SEMA4B: variants seen among roughly 807,000 people sequenced by gnomAD.
SEMA4B encodes the protein semaphorin-4B.
Under a neutral mutation model 88.1 loss-of-function variants are expected in SEMA4B, and 55 were observed. The ratio of observed to expected loss-of-function variants is 0.62; its 90% CI spans 0.50 to 0.78. SEMA4B has a LOEUF of 0.78. Ranked by LOEUF, SEMA4B falls within the 30% of genes least tolerant of loss-of-function variation. The pLI is 0.00. For synonymous variants in SEMA4B, 525 were observed against 473.6 expected (o/e 1.11, Z -1.41); for missense variants, 1,062 against 1,111.9 (o/e 0.96, Z 0.64).
intron 1 of SEMA4B, among the ~76,000 whole-genome samples, chr15:90,187,363 G>C (rs764416114): frequency 7.9e-5 from 12 of 152,230 alleles, no homozygotes; most frequent in Admixed American, 1.3e-4. Context: ...CTTTGGAAAT[G>C]ATTTGAGACA....
At chr15:90,188,814 C>T (rs1156299385) in intron 1 of SEMA4B, among the ~76,000 whole-genome samples, 1 of 151,786 alleles carries the variant, frequency 6.6e-6, no homozygotes, top group Non-Finnish European at 1.5e-5. Flanking sequence ...ACTACAGGCA[C>T]CCACCACCAC....
At position 90,217,423 on chromosome 15, in the gene SEMA4B, A is replaced by G. The variant is rs777315198; in HGVS notation, c.158-16A>G. The G allele has an allele frequency of 6.2e-7, 1 of 1,609,110 alleles. No homozygotes were observed. The highest frequency in any genetic ancestry group is 1.7e-5 in the Admixed American group (1 of 59,400). On this transcript the variant is annotated splice_polypyrimidine_tract_variant and intron_variant, in intron 1 of 13. Transcript: ENST00000411539. ...GGAGGGGTGGCCCCAGGTAATACCC[A>G]TCTTCCTCTCCCCAGGCTCTGAAGA... is the stretch of plus-strand genomic sequence containing the variant.
chr15:90,210,481 G>C (rs1302727283), intron 1 of SEMA4B, among the ~76,000 whole-genome samples: 2 of 152,178 alleles, frequency 1.3e-5, no homozygotes, highest in Non-Finnish European at 2.9e-5. Context: ...AGGCAGGAGG[G>C]TGGTCATCAA....
chr15:90,225,477 C>T, intron 11 of SEMA4B, 80 bp downstream of exon 11: 1 of 1,377,544 alleles, frequency 7.3e-7, no homozygotes. Context: ...CACCCAGCTT[C>T]TCCTCCCTTG....
intron 4 of SEMA4B, 30 bp from the exon 5 acceptor site, chr15:90,220,952 C>G: frequency 6.9e-7 from 1 of 1,448,340 alleles, no homozygotes. Context: ...CCTGGAGTGC[C>G]CCTGAGCCCA....
intron 7 of SEMA4B, among the ~76,000 whole-genome samples, chr15:90,222,480 G>A (rs112407097): frequency 0.026 from 3,961 of 151,726 alleles, 166 homozygotes; most frequent in African/African-American, 0.09. Context: ...TGTGGCAAGA[G>A]AATCGCTTGA....
Position 90,221,771 on chromosome 15 carries a change from G to A in SEMA4B, c.861+6G>A, listed in dbSNP as rs774638713. The A allele has an allele frequency of 6.2e-7, 1 of 1,613,284 alleles. No homozygotes were observed. Among genetic ancestry groups the A allele is most frequent in the East Asian group, 2.2e-5 (1 of 44,866 alleles). ...GCATTGCCCGCATCTGCAAGGTGAG[G>A]GGAACGGGCTGACAGGGTGGCCACC... On this transcript the variant is annotated splice_donor_region_variant and intron_variant, in intron 7 of 13. Coordinates refer to ENST00000411539, the MANE Select transcript of SEMA4B (RefSeq NM_198925.4).
chr15:90,206,782 G>A (rs1961012156), intron 1 of SEMA4B: 3 of 749,948 alleles, frequency 4.0e-6, no homozygotes, highest in Admixed American at 3.7e-5. Context: ...TTTGTGCTGA[G>A]CACCAAATCA....
At chr15:90,195,131 A>G (rs1374496043) in intron 1 of SEMA4B, among the ~76,000 whole-genome samples, 1 of 150,258 alleles carries the variant, frequency 6.7e-6, no homozygotes, top group Non-Finnish European at 1.5e-5. Flanking sequence ...ACAGGGTCTC[A>G]TTCTGTCTCT....
intron 1 of SEMA4B, among the ~76,000 whole-genome samples, chr15:90,188,498 C>CA (rs1960241466): frequency 6.6e-6 from 1 of 151,320 alleles, no homozygotes; most frequent in Admixed American, 6.6e-5. Context: ...CATGGTGGCG[C>CA]ATGCCTGTAA....
At chr15:90,211,853 T>C (rs959670223) in intron 1 of SEMA4B, among the ~76,000 whole-genome samples, 4 of 152,172 alleles carry the variant, frequency 2.6e-5, no homozygotes, top group Admixed American at 2.6e-4. Context: ...TGGTGTTTTC[T>C]GGCCTGATCC....
intron 1 of SEMA4B, 150 bp downstream of exon 1, chr15:90,201,885 C>A: frequency 1.3e-6 from 1 of 764,326 alleles, no homozygotes; most frequent in Non-Finnish European, 1.9e-6. Context: ...CAAGGCGCTG[C>A]GCGGAGGGAG....
At chr15:90,208,264 AAAAG>A (rs1354112183) in intron 1 of SEMA4B, among the ~76,000 whole-genome samples, 11 of 152,218 alleles carry the variant, frequency 7.2e-5, no homozygotes, top group South Asian at 2.1e-4. Flanking sequence ...CAAAAAAAAA[AAAAG>A]AAAGAAAAAT....
At chr15:90,203,101 G>A (rs1190446000) in intron 1 of SEMA4B, among the ~76,000 whole-genome samples, 1 of 152,242 alleles carries the variant, frequency 6.6e-6, no homozygotes, top group African/African-American at 2.4e-5. Context: ...ATCAGCTCGT[G>A]TTTGAAAAGT....
At chr15:90,190,012 G>T (rs970572377) in intron 1 of SEMA4B, among the ~76,000 whole-genome samples, 14 of 152,186 alleles carry the variant, frequency 9.2e-5, no homozygotes, top group African/African-American at 3.4e-4. Context: ...AAGCACATGT[G>T]GCCCCGTGGG....
chr15:90,192,718 G>A lies in SEMA4B; in HGVS notation c.-122+7637G>A, dbSNP rs530512693. ...CAATTCTCCTGCCTCAGCCTCCCGA[G>A]TAGCAGGGATTACAGCCTCACGCCA... On this transcript the variant is annotated intron_variant, in intron 1 of 14. Transcript: ENST00000332496. 2.1e-4 allele frequency among the ~76,000 whole-genome samples: 32 copies of A among 151,186 alleles called. No homozygotes were observed. In the Middle Eastern group the frequency reaches 0.014, roughly 64 times the overall value.
chr15:90,192,175 T>TA (rs1041272480), intron 1 of SEMA4B: 12 of 152,506 alleles, frequency 7.9e-5, no homozygotes, highest in African/African-American at 2.9e-4. Flanking sequence ...GCTTGAGTGC[T>TA]ACCCCAGGAG....
At chr15:90,227,864 A>G (rs755907686) in intron 13 of SEMA4B, 40 bp from the exon 14 acceptor site, 7 of 1,603,688 alleles carry the variant, frequency 4.4e-6, no homozygotes, top group Non-Finnish European at 5.9e-6. Context: ...GCTACTGTGG[A>G]CGCTGGCACC....
chr15:90,198,120 G>A (rs1340274771), upstream of SEMA4B, among the ~76,000 whole-genome samples: 1 of 150,118 alleles, frequency 6.7e-6, no homozygotes, highest in South Asian at 2.1e-4. Context: ...TATTAGAGAC[G>A]GGGTTTCACC....
Sources: gnomAD v4.1 joint callset for allele counts (sites outside exome capture counted in the v4.1 genomes callset) on GRCh38, gnomAD v4.1.1 for gene constraint, MANE v1.5 for transcripts, NCBI Gene and HGNC (gene_info 2026-07-23, HGNC 2026-07-21) for gene names.